The following LINGO2 variants were observed in gnomAD, a reference collection of about 807,000 sequenced individuals.
LINGO2 encodes the protein leucine rich repeat and Ig domain containing 2, also known as leucine-rich repeat and immunoglobulin-like domain-containing nogo receptor-interacting protein 2.
A neutral mutation model predicts 30.6 loss-of-function variants in LINGO2; 14 were observed. The ratio of observed to expected loss-of-function variants is 0.46; its 90% CI spans 0.30 to 0.72. The LOEUF is 0.72. Among genes scored for constraint, LINGO2 ranks in the 30% least tolerant of loss-of-function variants. The pLI is 0.07. For synonymous variants in LINGO2, 317 were observed against 288.5 expected, an observed-to-expected ratio of 1.10 and a Z score of -1.00; for missense variants, 729 against 751.7, an observed-to-expected ratio of 0.97 and a Z score of 0.35.
chr9:29,069,634 T>C, the LINGO2 span, among the ~76,000 whole-genome samples: 5 of 152,044 alleles, frequency 3.3e-5, no homozygotes, highest in African/African-American at 4.8e-5. Context: ...TTTCAGCTCC[T>C]TGGTTAATAA....
At chr9:28,184,257 C>T (rs1322521450) in intron 4 of LINGO2, among the ~76,000 whole-genome samples, 8 of 152,090 alleles carry the variant, frequency 5.3e-5, no homozygotes, top group Non-Finnish European at 8.8e-5. Flanking sequence ...TTGTATACTT[C>T]CACAAGTTAG....
chr9:28,702,797 T>C, the LINGO2 span, among the ~76,000 whole-genome samples: 39 of 151,922 alleles, frequency 2.6e-4, no homozygotes, highest in African/African-American at 9.2e-4. Context: ...TGTTAACTAC[T>C]GATGCAATTT....
chr9:28,047,948 A>T (rs531538095), intron 4 of LINGO2, among the ~76,000 whole-genome samples: 25 of 150,882 alleles, frequency 1.7e-4, no homozygotes, highest in Non-Finnish European at 2.1e-4. Flanking sequence ...GATTTTTTAG[A>T]ATCAACGTAA....
chr9:29,083,456 T>A, the LINGO2 span, among the ~76,000 whole-genome samples: 1 of 151,928 alleles, frequency 6.6e-6, no homozygotes, highest in Non-Finnish European at 1.5e-5. Flanking sequence ...GGGGGATGGA[T>A]AGCATTAGGA....
chr9:28,288,683 T>C (rs1243787148), intron 4 of LINGO2, among the ~76,000 whole-genome samples: 1 of 152,196 alleles, frequency 6.6e-6, no homozygotes, highest in Admixed American at 6.5e-5. Context: ...CAAACAAATA[T>C]GCAGCCAGAA....
chr9:28,913,329 T>C, the LINGO2 span, among the ~76,000 whole-genome samples: 5 of 152,222 alleles, frequency 3.3e-5, no homozygotes, highest in East Asian at 9.7e-4. Context: ...TTCTAGCAAA[T>C]CATGGTTTAG....
chr9:28,039,289 A>C (rs1408889980), intron 4 of LINGO2, among the ~76,000 whole-genome samples: 1 of 152,260 alleles, frequency 6.6e-6, no homozygotes, highest in Non-Finnish European at 1.5e-5. Context: ...GAAAAGGCCA[A>C]TACACTTGAC....
At chr9:28,364,515 C>G (rs1033893586) in intron 3 of LINGO2, among the ~76,000 whole-genome samples, 3 of 152,136 alleles carry the variant, frequency 2.0e-5, no homozygotes, top group Non-Finnish European at 1.5e-5. Flanking sequence ...TGCCAAGGCA[C>G]CTGCCATTTT....
the LINGO2 span, among the ~76,000 whole-genome samples, chr9:28,775,053 T>C: frequency 3.3e-5 from 5 of 151,406 alleles, 1 homozygote; most frequent in South Asian, 8.4e-4. Flanking sequence ...GGGAGGGGAG[T>C]GACCAATAAT....
the LINGO2 span, among the ~76,000 whole-genome samples, chr9:28,753,576 T>C: frequency 5.3e-5 from 8 of 152,112 alleles, no homozygotes; most frequent in African/African-American, 1.7e-4. Context: ...AGAGGGGTCA[T>C]GAGGGGAAGC....
At chr9:28,011,407 G>A (rs1371151832) in intron 5 of LINGO2, among the ~76,000 whole-genome samples, 2 of 152,156 alleles carry the variant, frequency 1.3e-5, no homozygotes, top group African/African-American at 2.4e-5. Context: ...AGAGTACAGG[G>A]GTGCAGGGGA....
chr9:27,993,896 T>C (rs957838588), intron 5 of LINGO2, among the ~76,000 whole-genome samples: 1 of 151,962 alleles, frequency 6.6e-6, no homozygotes, highest in Non-Finnish European at 1.5e-5. Flanking sequence ...ATAGACCATA[T>C]GTTAGGCTGA....
chr9:29,047,636 G>A, the LINGO2 span, among the ~76,000 whole-genome samples: 2 of 152,036 alleles, frequency 1.3e-5, no homozygotes, highest in Non-Finnish European at 2.9e-5. Context: ...TAAGGCAAGA[G>A]AATGATATAA....
chr9:28,634,164 C>T (rs541099795), intron 1 of LINGO2, among the ~76,000 whole-genome samples: 2 of 152,172 alleles, frequency 1.3e-5, no homozygotes, highest in Non-Finnish European at 2.9e-5. Flanking sequence ...TTAGGTCTTA[C>T]TAGTTCCCAT....
At chr9:28,986,390 T>A in the LINGO2 span, among the ~76,000 whole-genome samples, 8 of 152,078 alleles carry the variant, frequency 5.3e-5, no homozygotes, top group Admixed American at 1.3e-4. Context: ...ATTTTACAAC[T>A]TTTGTCTCTT....
At chr9:29,115,897 T>C in the LINGO2 span, among the ~76,000 whole-genome samples, 3 of 152,036 alleles carry the variant, frequency 2.0e-5, no homozygotes, top group Non-Finnish European at 2.9e-5. Context: ...TATAATACTC[T>C]CTGCAAATCC....
intron 1 of LINGO2, among the ~76,000 whole-genome samples, chr9:28,542,092 G>C (rs1441338043): frequency 6.6e-6 from 1 of 152,122 alleles, no homozygotes. Context: ...ATTAGGAAGG[G>C]AAAGAAGTTA....
intron 1 of LINGO2, among the ~76,000 whole-genome samples, chr9:28,505,980 A>G (rs1820093331): frequency 6.6e-6 from 1 of 151,862 alleles, no homozygotes; most frequent in Non-Finnish European, 1.5e-5. Context: ...TTGTTCTATT[A>G]TATCTCTAGG....
At chr9:28,333,146 A>G (rs1270829891) in intron 3 of LINGO2, among the ~76,000 whole-genome samples, 1 of 152,234 alleles carries the variant, frequency 6.6e-6, no homozygotes, top group African/African-American at 2.4e-5. Context: ...ACAAGTTGTG[A>G]GTCACACAAA....
Sources: allele counts gnomAD v4.1 joint callset (sites outside exome capture counted in the v4.1 genomes callset), GRCh38; gene constraint gnomAD v4.1.1; transcripts MANE v1.5; gene names NCBI Gene and HGNC (gene_info 2026-07-23, HGNC 2026-07-21).